The following TRPM6 variants were observed in gnomAD, a reference collection of about 807,000 sequenced individuals.
TRPM6 encodes the protein channel kinase 2.
Under a neutral mutation model 247.6 loss-of-function variants are expected in TRPM6, and 111 were observed. The observed-to-expected ratio is 0.45, with a 90% CI of 0.38 to 0.52. TRPM6 has a LOEUF of 0.52. Among genes scored for constraint, TRPM6 ranks in the 20% least tolerant of loss-of-function variants. TRPM6 has a pLI of 0.00. For missense variants in TRPM6, 2,126 were observed against 2,421.5 expected (o/e 0.88, Z 2.56); for synonymous variants, 892 against 853.8 (o/e 1.04, Z -0.78).
In TRPM6 at chr9:74,816,789, C is replaced by A. The variant is rs777395441; in HGVS notation, c.1208-20G>T. On this transcript the variant is annotated intron_variant, in intron 10 of 38. Coordinates refer to ENST00000360774, the MANE Select transcript of TRPM6 (RefSeq NM_017662.5). The stretch of plus-strand genomic sequence containing the variant: ...TTGTGCCTAGGGTAAAAGAAAGGAA[C>A]AATCATATATTCTTTTCAAGATATC... 2 of 1,611,960 alleles carry A rather than the reference C, an allele frequency of 1.2e-6. No homozygotes were observed. Among genetic ancestry groups the A allele is most frequent in the Non-Finnish European group, 1.7e-6 (2 of 1,178,058 alleles).
chr9:74,790,036 G>GTGTGTGTGT (rs1564015647), intron 19 of TRPM6, among the ~76,000 whole-genome samples: 4 of 148,640 alleles, frequency 2.7e-5, no homozygotes, highest in Admixed American at 2.0e-4. Flanking sequence ...GTGTGTGTGT[G>GTGTGTGTGT]GGTTCATTCT....
chr9:74,747,787 T>C, intron 31 of TRPM6, 102 bp downstream of exon 31: 1 of 1,039,120 alleles, frequency 9.6e-7, no homozygotes. Flanking sequence ...ACAAAAATCA[T>C]AAATACAATT....
intron 13 of TRPM6, 124 bp downstream of exon 13, chr9:74,810,691 A>C: frequency 1.2e-6 from 1 of 831,652 alleles, no homozygotes; most frequent in Non-Finnish European, 2.1e-6. Context: ...AATCAAGGTA[A>C]AGAAGATAGG....
intron 14 of TRPM6, chr9:74,804,882 A>C: frequency 2.7e-6 from 1 of 375,944 alleles, no homozygotes. Flanking sequence ...CAAAATATGC[A>C]CATAGCAAAT....
intron 18 of TRPM6, 40 bp from the exon 19 acceptor site, chr9:74,792,810 T>A: frequency 6.3e-7 from 1 of 1,580,118 alleles, no homozygotes; most frequent in Non-Finnish European, 8.7e-7. Context: ...GTCAGCAGCT[T>A]AACTAAAATA....
chr9:74,866,170 AAAG>A (rs1175335321), intron 1 of TRPM6, among the ~76,000 whole-genome samples: 1 of 152,218 alleles, frequency 6.6e-6, no homozygotes, highest in Admixed American at 6.5e-5. Context: ...ACATTTTTAA[AAAG>A]AAGTTACAGG....
At chr9:74,734,940 C>T (rs1825643297) in intron 36 of TRPM6, among the ~76,000 whole-genome samples, 2 of 152,128 alleles carry the variant, frequency 1.3e-5, no homozygotes, top group African/African-American at 2.4e-5. Flanking sequence ...AGGCCAGGCA[C>T]GGTGGCTCAC....
intron 11 of TRPM6, among the ~76,000 whole-genome samples, chr9:74,814,320 T>C (rs1828849258): frequency 6.6e-6 from 1 of 151,702 alleles, no homozygotes; most frequent in East Asian, 1.9e-4. Context: ...CTGAGGGGGA[T>C]AAGGGGGATA....
At chr9:74,881,731 A>G (rs184931221) in intron 1 of TRPM6, among the ~76,000 whole-genome samples, 1 of 152,212 alleles carries the variant, frequency 6.6e-6, no homozygotes, top group African/African-American at 2.4e-5. Flanking sequence ...CATATCATGT[A>G]TCTTCTCAGA....
chr9:74,743,304 ACC>A (rs1825922982), intron 32 of TRPM6, among the ~76,000 whole-genome samples: 1 of 152,216 alleles, frequency 6.6e-6, no homozygotes. Context: ...CTATTACTAG[ACC>A]CTGAACAAAC....
intron 19 of TRPM6, 105 bp downstream of exon 19, chr9:74,792,519 G>T: frequency 9.3e-6 from 12 of 1,293,034 alleles, no homozygotes; most frequent in Non-Finnish European, 1.2e-5. Context: ...TTTTAACTAG[G>T]TTTCTACATT....
chr9:74,863,219 G>A (rs1340827722), intron 1 of TRPM6, among the ~76,000 whole-genome samples: 2 of 151,494 alleles, frequency 1.3e-5, no homozygotes, highest in African/African-American at 2.4e-5. Flanking sequence ...GCTAATTTTT[G>A]TATTTTTAGT....
At chr9:74,785,776 G>A (rs926772105) in intron 21 of TRPM6, 98 bp downstream of exon 21, 62 of 1,372,286 alleles carry the variant, frequency 4.5e-5, no homozygotes, top group Non-Finnish European at 5.9e-5. Context: ...GCCCGCCTTG[G>A]CCTCCCAAAG....
intron 1 of TRPM6, among the ~76,000 whole-genome samples, chr9:74,869,957 A>T (rs535835916): frequency 2.0e-5 from 3 of 152,316 alleles, no homozygotes; most frequent in African/African-American, 7.2e-5. Flanking sequence ...TGTTCTATAG[A>T]AACTGATAGC....
intron 3 of TRPM6, among the ~76,000 whole-genome samples, chr9:74,844,513 C>G (rs1283270316): frequency 6.6e-6 from 1 of 152,196 alleles, no homozygotes; most frequent in Admixed American, 6.5e-5. Flanking sequence ...GAACCAACAT[C>G]TGCTAGGTTC....
chr9:74,790,382 C>G (rs558371471), intron 19 of TRPM6, among the ~76,000 whole-genome samples: 1 of 152,218 alleles, frequency 6.6e-6, no homozygotes, highest in Non-Finnish European at 1.5e-5. Flanking sequence ...TTTGTTCTTT[C>G]AAGCAACTTA....
At chr9:74,875,617 T>G (rs1194504674) in intron 1 of TRPM6, among the ~76,000 whole-genome samples, 1 of 152,158 alleles carries the variant, frequency 6.6e-6, no homozygotes, top group African/African-American at 2.4e-5. Context: ...TATTCCCTCC[T>G]AGTTTGCCTT....
rs1827648612 is a variant in TRPM6, at chr9:74,785,972, T to C, written c.2821A>G (p.Ile941Val). The stretch of plus-strand genomic sequence containing the variant: ...CAGAATATGATGTCTATGCAGTAGA[T>C]CAGTCTTCCCGCTGTGTGAAAAGGA... ...DPPFHTAGRL[I>V]YCIDIIFWFS... The change falls in exon 21 of 39, where the codon ATC (isoleucine) becomes GTC (valine). Residue 941 changes from isoleucine to valine, a missense_variant. Transcript: ENST00000360774. 3 of 1,614,084 alleles carry C rather than the reference T, an allele frequency of 1.9e-6. No homozygotes were observed. Among genetic ancestry groups the C allele is most frequent in the South Asian group, 1.1e-5 (1 of 91,092 alleles).
chr9:74,744,191 T>C, intron 31 of TRPM6, 46 bp from the exon 32 acceptor site: 1 of 1,569,708 alleles, frequency 6.4e-7, no homozygotes, highest in Non-Finnish European at 8.8e-7. Flanking sequence ...TGGCTGGAGA[T>C]AAATACATGT....
Sources: allele counts gnomAD v4.1 joint callset (sites outside exome capture counted in the v4.1 genomes callset), GRCh38; gene constraint gnomAD v4.1.1; transcripts MANE v1.5; gene names NCBI Gene and HGNC (gene_info 2026-07-23, HGNC 2026-07-21).